The following RBFOX1 variants were observed in gnomAD, a reference collection of about 807,000 sequenced individuals.
The protein encoded by RBFOX1 is RNA binding fox-1 homolog 1.
In RBFOX1, 8 loss-of-function variants were observed where a neutral mutation model predicts 57.7. That is an observed-to-expected ratio of 0.14 (90% confidence interval 0.08 to 0.25). The LOEUF (loss-of-function observed/expected upper bound fraction) is 0.25, where lower values mean the gene tolerates loss of function less well. Ranked by LOEUF, RBFOX1 falls within the 10% of genes least tolerant of loss-of-function variation. The probability of loss-of-function intolerance (pLI) is 1.00; values close to 1 mark genes in which losing one functional copy is unlikely to be tolerated. For missense variants in RBFOX1, 611 were observed against 548.5 expected (o/e 1.11, Z -1.14); for synonymous variants, 326 against 222.4 (o/e 1.47, Z -4.15).
intron 3 of RBFOX1, among the ~76,000 whole-genome samples, chr16:5,696,574 C>G (rs765876031): frequency 1.3e-5 from 2 of 152,194 alleles, no homozygotes; most frequent in East Asian, 1.9e-4. Context: ...AAAACCATCT[C>G]CAGAATGCAC....
intron 2 of RBFOX1, among the ~76,000 whole-genome samples, chr16:5,476,784 A>C (rs2151633821): frequency 6.6e-6 from 1 of 152,126 alleles, no homozygotes; most frequent in South Asian, 2.1e-4. Flanking sequence ...TTAACTTCGA[A>C]GTTTCTTCTA....
chr16:5,535,872 A>T (rs752507022), intron 2 of RBFOX1, among the ~76,000 whole-genome samples: 4 of 152,182 alleles, frequency 2.6e-5, no homozygotes, highest in Non-Finnish European at 5.9e-5. Context: ...GCTACTGCTG[A>T]GATGGCTGAA....
chr16:6,804,996 G>C (rs1363395022), intron 3 of RBFOX1, among the ~76,000 whole-genome samples: 2 of 152,176 alleles, frequency 1.3e-5, no homozygotes, highest in African/African-American at 4.8e-5. Context: ...ATTCATCAAA[G>C]ATCTGAAAAC....
intron 4 of RBFOX1, among the ~76,000 whole-genome samples, chr16:5,923,677 G>A (rs897114149): frequency 1.1e-4 from 17 of 152,082 alleles, no homozygotes; most frequent in African/African-American, 3.9e-4. Context: ...AAATAGCTGG[G>A]ATTACAGGCA....
In RBFOX1 at chr16:6,060,122, G is replaced by GTTTTTTGTTTTTTTTTTTTTTTTT. The variant is rs1567355465; in HGVS notation, c.-127+40136_-127+40137insGTTTTTTTTTTTTTTTTTTTTTTT. On this transcript the variant is annotated intron_variant, in intron 1 of 15. Coordinates refer to ENST00000550418, the MANE Select transcript of RBFOX1 (RefSeq NM_018723.4). ...ATTTGGCCCTAAAATTAGGATTAGG[G>GTTTTTTGTTTTTTTTTTTTTTTTT]TTTTTTTTTTTTTTTTTTTTTTTTT... is the stretch of plus-strand genomic sequence containing the variant. 1.3e-3 allele frequency among the ~76,000 whole-genome samples: 144 copies of GTTTTTTGTTTTTTTTTTTTTTTTT among 114,198 alleles called. 4 individuals are homozygous for GTTTTTTGTTTTTTTTTTTTTTTTT. Among genetic ancestry groups the GTTTTTTGTTTTTTTTTTTTTTTTT allele is most frequent in the East Asian group, 5.0e-3 (19 of 3,788 alleles). 74.9% of individuals were successfully genotyped at this position (114,198 alleles called of 152,430 possible). A position where few individuals can be genotyped will look rare whatever the true frequency, so the allele number is the denominator to read the frequency against.
rs569647327 is a variant in RBFOX1 at position 5,800,933 on chromosome 16, G to T, written c.319-66370G>T. ...TGCCACATGAGGACAGATGGAATCT[G>T]CCTTCTTGTCCCTGATACAGACCCA... On this transcript the variant is annotated intron_variant, in intron 3 of 19. Coordinates refer to the RBFOX1 transcript ENST00000641259. Among the ~76,000 whole-genome samples, 169 of 152,252 alleles carry T rather than the reference G, an allele frequency of 1.1e-3. 1 individual carries two copies. The highest frequency in any genetic ancestry group is 3.9e-3 in the African/African-American group (162 of 41,548).
At chr16:6,607,599 T>C (rs1406152988) in intron 2 of RBFOX1, among the ~76,000 whole-genome samples, 2 of 151,538 alleles carry the variant, frequency 1.3e-5, no homozygotes, top group African/African-American at 2.4e-5. Context: ...CCTCTCTCTC[T>C]CTCCTCTCTC....
intron 1 of RBFOX1, among the ~76,000 whole-genome samples, chr16:6,284,683 A>G (rs2076720664): frequency 6.6e-6 from 1 of 152,184 alleles, no homozygotes; most frequent in African/African-American, 2.4e-5. Context: ...CTTTGTAAAG[A>G]TGAACAACTA....
At chr16:6,244,045 T>G (rs553095316) in intron 1 of RBFOX1, among the ~76,000 whole-genome samples, 4 of 152,338 alleles carry the variant, frequency 2.6e-5, no homozygotes, top group Non-Finnish European at 5.9e-5. Context: ...TGATGCAGTC[T>G]TCTCTCATTT....
intron 4 of RBFOX1, among the ~76,000 whole-genome samples, chr16:7,136,896 G>T (rs2072171891): frequency 6.6e-6 from 1 of 152,348 alleles, no homozygotes; most frequent in East Asian, 1.9e-4. Context: ...TGCCTGGGCA[G>T]GAAGGAGGCA....
intron 2 of RBFOX1, among the ~76,000 whole-genome samples, chr16:6,462,481 A>G (rs564162786): frequency 4.6e-5 from 7 of 152,186 alleles, no homozygotes; most frequent in Admixed American, 2.6e-4. Flanking sequence ...ATGCGTCACT[A>G]TTTGTTCAGC....
intron 1 of RBFOX1, among the ~76,000 whole-genome samples, chr16:6,170,211 A>G (rs925185963): frequency 2.0e-5 from 3 of 152,174 alleles, no homozygotes; most frequent in Non-Finnish European, 2.9e-5. Flanking sequence ...GTTGAAGTCC[A>G]TGAGGTAATG....
intron 2 of RBFOX1, among the ~76,000 whole-genome samples, chr16:5,595,345 T>A (rs2047147649): frequency 6.6e-6 from 1 of 152,140 alleles, no homozygotes; most frequent in African/African-American, 2.4e-5. Flanking sequence ...ACTGGCTAAA[T>A]CCTTGCTGCT....
At chr16:6,504,749 C>G (rs2096044215) in intron 2 of RBFOX1, among the ~76,000 whole-genome samples, 1 of 152,244 alleles carries the variant, frequency 6.6e-6, no homozygotes, top group Admixed American at 6.5e-5. Flanking sequence ...ATCAAATCGG[C>G]ACTTCTATTT....
intron 3 of RBFOX1, among the ~76,000 whole-genome samples, chr16:7,013,128 G>T (rs1028634882): frequency 1.3e-5 from 2 of 152,176 alleles, no homozygotes; most frequent in South Asian, 2.1e-4. Flanking sequence ...TCTTTAGACT[G>T]AGGGTTAGGG....
intron 3 of RBFOX1, among the ~76,000 whole-genome samples, chr16:6,889,102 A>G (rs1413004850): frequency 6.6e-6 from 1 of 152,148 alleles, no homozygotes; most frequent in African/African-American, 2.4e-5. Flanking sequence ...ATCACAGTGG[A>G]CAAGAATTCC....
chr16:6,313,565 C>T (rs1434458261), intron 1 of RBFOX1, among the ~76,000 whole-genome samples: 6 of 152,094 alleles, frequency 3.9e-5, no homozygotes, highest in Admixed American at 6.6e-5. Flanking sequence ...TGGAAGTAAT[C>T]GGTTTGCTAT....
rs148852929 is a variant in RBFOX1 at position 6,783,222 on chromosome 16, C to T, written c.-16+128572C>T. ...TGCCTTTTATTTGGAGAATGAAGTCCGTTTACACTCATTGTTATTATTGAT... is the reference window on the plus strand; with the variant it reads ...TGCCTTTTATTTGGAGAATGAAGTCTGTTTACACTCATTGTTATTATTGAT... On this transcript the variant is annotated intron_variant, in intron 3 of 15. Transcript: ENST00000550418. Among the ~76,000 whole-genome samples the T allele has an allele frequency of 2.4e-4, 37 of 151,544 alleles. 3 individuals carry two copies. The East Asian group carries it at 6.0e-3, about 25-fold the overall frequency.
rs117999462 is a variant in RBFOX1, at chr16:6,300,981, C to T, written c.-126-16014C>T. 6.7e-3 allele frequency among the ~76,000 whole-genome samples: 1,018 copies of T among 152,134 alleles called. 11 individuals are homozygous for T. The highest frequency in any genetic ancestry group is 0.018 in the South Asian group (86 of 4,812). ...TCACAAAGTGGGAACTCAGAAAGTGCCAAATGGATTAATGAGTGGATGTGC... is the reference window on the plus strand; with the variant it reads ...TCACAAAGTGGGAACTCAGAAAGTGTCAAATGGATTAATGAGTGGATGTGC... On this transcript the variant is annotated intron_variant, in intron 1 of 15. Coordinates refer to ENST00000550418, the MANE Select transcript of RBFOX1 (RefSeq NM_018723.4).
Sources: allele counts gnomAD v4.1 joint callset (sites outside exome capture counted in the v4.1 genomes callset), GRCh38; gene constraint gnomAD v4.1.1; transcripts MANE v1.5; gene names NCBI Gene and HGNC (gene_info 2026-07-23, HGNC 2026-07-21).